Variants in GRM8 observed in about 807,000 individuals in gnomAD.
GRM8 encodes the protein glutamate metabotropic receptor 8.
GRM8 carries 47 observed loss-of-function variants against 87.2 expected under a neutral mutation model. That is an observed-to-expected ratio of 0.54 (90% CI 0.43 to 0.69). The LOEUF (loss-of-function observed/expected upper bound fraction) is 0.69. Among genes scored for constraint, GRM8 ranks in the 30% least tolerant of loss-of-function variants. The pLI is 0.00. For synonymous variants in GRM8, 396 were observed against 404.5 expected, an observed-to-expected ratio of 0.98 and a Z score of 0.25; for missense variants, 1,019 against 1,139.2, an observed-to-expected ratio of 0.89 and a Z score of 1.52.
intron 3 of GRM8, among the ~76,000 whole-genome samples, chr7:126,911,079 A>T (rs1053281457): frequency 1.3e-5 from 2 of 152,218 alleles, no homozygotes; most frequent in African/African-American, 2.4e-5. Flanking sequence ...CCAGACAAGA[A>T]TCATCACCAA....
At chr7:126,823,777 G>A (rs532466884) in intron 6 of GRM8, among the ~76,000 whole-genome samples, 2 of 152,242 alleles carry the variant, frequency 1.3e-5, no homozygotes, top group East Asian at 1.9e-4. Context: ...GGCTCAGTAG[G>A]CTCACTTGAA....
intron 8 of GRM8, among the ~76,000 whole-genome samples, chr7:126,555,554 A>C (rs1214857629): frequency 6.6e-6 from 1 of 152,224 alleles, no homozygotes; most frequent in Non-Finnish European, 1.5e-5. Flanking sequence ...GTTATATTTC[A>C]TATTCTTATT....
chr7:127,241,142 A>G (rs1798267833), intron 2 of GRM8, among the ~76,000 whole-genome samples: 1 of 152,222 alleles, frequency 6.6e-6, no homozygotes, highest in Admixed American at 6.5e-5. Context: ...ATCTGAAAAT[A>G]GCCATTAAGT....
chr7:126,732,441 A>T (rs1380673555), intron 7 of GRM8, among the ~76,000 whole-genome samples: 1 of 152,146 alleles, frequency 6.6e-6, no homozygotes, highest in Non-Finnish European at 1.5e-5. Context: ...ATTGTGCCTT[A>T]AGAGTTATTA....
intron 6 of GRM8, among the ~76,000 whole-genome samples, chr7:126,881,344 A>G (rs536883112): frequency 5.9e-5 from 9 of 152,318 alleles, no homozygotes; most frequent in African/African-American, 2.2e-4. Flanking sequence ...ACAGAGGAGA[A>G]CAGGGTGAAG....
At chr7:126,923,355 T>C (rs1375137809) in intron 3 of GRM8, among the ~76,000 whole-genome samples, 1 of 152,234 alleles carries the variant, frequency 6.6e-6, no homozygotes, top group East Asian at 1.9e-4. Context: ...ACTAACCTAC[T>C]AATCTGTCCC....
intron 7 of GRM8, among the ~76,000 whole-genome samples, chr7:126,636,259 A>G (rs1423884343): frequency 6.6e-6 from 1 of 152,128 alleles, no homozygotes; most frequent in South Asian, 2.1e-4. Flanking sequence ...AGAACAGCAT[A>G]GGAGAATAGT....
At chr7:126,760,571 A>C (rs1349112492) in intron 7 of GRM8, among the ~76,000 whole-genome samples, 1 of 152,168 alleles carries the variant, frequency 6.6e-6, no homozygotes, top group Non-Finnish European at 1.5e-5. Context: ...GAAACAAAAA[A>C]ATTACTTGTG....
At chr7:126,839,884 T>C (rs1435300099) in intron 6 of GRM8, among the ~76,000 whole-genome samples, 1 of 152,192 alleles carries the variant, frequency 6.6e-6, no homozygotes, top group Non-Finnish European at 1.5e-5. Flanking sequence ...AACCACTCCA[T>C]ATCCAGACAT....
At chr7:126,778,541 AAC>A (rs1819710277) in intron 6 of GRM8, among the ~76,000 whole-genome samples, 1 of 152,238 alleles carries the variant, frequency 6.6e-6, no homozygotes, top group Admixed American at 6.5e-5. Flanking sequence ...TAAGTCCCTG[AAC>A]AAAGAAAAGC....
chr7:126,619,921 G>T (rs1437708693), intron 7 of GRM8, among the ~76,000 whole-genome samples: 1 of 151,992 alleles, frequency 6.6e-6, no homozygotes, highest in Non-Finnish European at 1.5e-5. Context: ...GAACTCCTGG[G>T]GTCAAGCAAT....
At chr7:127,013,954 G>A (rs1390850976) in intron 3 of GRM8, among the ~76,000 whole-genome samples, 1 of 152,186 alleles carries the variant, frequency 6.6e-6, no homozygotes, top group African/African-American at 2.4e-5. Context: ...AAGACAAAGT[G>A]CATCAGCCCA....
intron 6 of GRM8, among the ~76,000 whole-genome samples, chr7:126,861,615 T>C (rs1798145863): frequency 6.6e-6 from 1 of 151,970 alleles, no homozygotes; most frequent in Non-Finnish European, 1.5e-5. Flanking sequence ...TTTTATGCCC[T>C]TGATTTTTTT....
intron 10 of GRM8, among the ~76,000 whole-genome samples, chr7:126,443,450 A>G (rs1238961449): frequency 2.0e-5 from 3 of 152,014 alleles, no homozygotes; most frequent in African/African-American, 4.8e-5. Context: ...ATGGAAGTGA[A>G]CAAAGGTTAA....
At chr7:126,632,818 T>TA (rs1340752263) in intron 7 of GRM8, among the ~76,000 whole-genome samples, 1 of 152,026 alleles carries the variant, frequency 6.6e-6, no homozygotes, top group Non-Finnish European at 1.5e-5. Context: ...TACTTATAGG[T>TA]AGGAGCTGAA....
intron 3 of GRM8, among the ~76,000 whole-genome samples, chr7:127,065,396 A>G (rs567458788): frequency 1.3e-5 from 2 of 152,222 alleles, no homozygotes; most frequent in African/African-American, 2.4e-5. Flanking sequence ...GGACAGATGC[A>G]GAAAATATAA....
rs56205885 is a variant in GRM8, at chr7:126,515,769, C to T, written c.2430+17183G>A. Among the ~76,000 whole-genome samples the T allele has an allele frequency of 2.6e-5, 4 of 152,200 alleles. No individual in the cohort carries two copies. The East Asian group carries it at 5.8e-4, about 22-fold the overall frequency. On this transcript the variant is annotated intron_variant, in intron 9 of 10. Coordinates refer to ENST00000339582, the MANE Select transcript of GRM8 (RefSeq NM_000845.3). ...ACTCTTCTGCCTCCCTCTTCCATAT[C>T]TGAGACACAACCGGATAATTTAGGA...
intron 3 of GRM8, among the ~76,000 whole-genome samples, chr7:126,913,077 T>C (rs968116389): frequency 1.2e-4 from 18 of 152,194 alleles, no homozygotes; most frequent in African/African-American, 4.3e-4. Context: ...AAATCTCTAT[T>C]AATAATTTAG....
chr7:127,150,872 C>T (rs559478813), intron 2 of GRM8, among the ~76,000 whole-genome samples: 1 of 152,200 alleles, frequency 6.6e-6, no homozygotes, highest in East Asian at 1.9e-4. Flanking sequence ...TTAGTACACA[C>T]CTGTATCTGA....
Sources: allele counts gnomAD v4.1 joint callset (sites outside exome capture counted in the v4.1 genomes callset), GRCh38; gene constraint gnomAD v4.1.1; transcripts MANE v1.5; gene names NCBI Gene and HGNC (gene_info 2026-07-23, HGNC 2026-07-21).